GRIN2B: variants seen among roughly 807,000 people sequenced by gnomAD.
GRIN2B encodes the protein glutamate ionotropic receptor NMDA type subunit 2B.
A neutral mutation model predicts 114.5 loss-of-function variants in GRIN2B; 5 were observed. That is an observed-to-expected ratio of 0.04 (90% confidence interval 0.02 to 0.09). The LOEUF (loss-of-function observed/expected upper bound fraction) is 0.09. Ranked by LOEUF, GRIN2B falls within the 10% of genes least tolerant of loss-of-function variation. The pLI is 1.00. For missense variants in GRIN2B, 1,108 were observed against 1,943.5 expected, an observed-to-expected ratio of 0.57 and a Z score of 8.08; for synonymous variants, 787 against 745.1, an observed-to-expected ratio of 1.06 and a Z score of -0.92.
intron 2 of GRIN2B, among the ~76,000 whole-genome samples, chr12:13,884,575 T>C (rs1267724129): frequency 6.6e-6 from 1 of 152,094 alleles, no homozygotes; most frequent in Non-Finnish European, 1.5e-5. Context: ...GATAATTTTT[T>C]TTCTCCTTCC....
At chr12:13,980,858 G>C (rs1863120622) in intron 1 of GRIN2B, among the ~76,000 whole-genome samples, 2 of 152,126 alleles carry the variant, frequency 1.3e-5, no homozygotes. Flanking sequence ...TTGTGCACGG[G>C]GTGCACACTG....
In GRIN2B at chr12:13,562,896, T is replaced by C. The variant is rs1948566354; in HGVS notation, c.4342A>G (p.Ile1448Val). 1 of 1,614,090 alleles carries C rather than the reference T, an allele frequency of 6.2e-7. No individual in the cohort carries two copies. The highest frequency in any genetic ancestry group is 8.5e-7 in the Non-Finnish European group (1 of 1,180,024). ...VPARFQKDIC[I>V]GNQSNPCVPN... ...ACACAGGGGTTGGACTGGTTCCCTA[T>C]ACAGATGTCCTTCTGGAAACGGGCT... Residue 1448 changes from isoleucine to valine, a missense_variant, in exon 14 of 14, where the codon ATA becomes GTA. By Grantham distance (29) the Ile-to-Val change is conservative (BLOSUM62 3). Around this residue, in one of 19 missense-constraint regions of GRIN2B, gnomAD observed 478 missense variants for 506.0 expected, o/e 0.94. Coordinates refer to ENST00000609686, the MANE Select transcript of GRIN2B (RefSeq NM_000834.5).
At chr12:13,821,032 C>T (rs536978747) in intron 3 of GRIN2B, among the ~76,000 whole-genome samples, 1 of 152,158 alleles carries the variant, frequency 6.6e-6, no homozygotes, top group Admixed American at 6.6e-5. Context: ...TGCTACCGTA[C>T]AAAGTTTGCC....
At chr12:13,876,204 T>C (rs1258531834) in intron 2 of GRIN2B, among the ~76,000 whole-genome samples, 1 of 152,192 alleles carries the variant, frequency 6.6e-6, no homozygotes, top group Non-Finnish European at 1.5e-5. Context: ...ACACTTATCT[T>C]GGGCGGGGGA....
intron 5 of GRIN2B, among the ~76,000 whole-genome samples, chr12:13,650,329 C>T (rs1438710282): frequency 1.8e-5 from 2 of 113,728 alleles, no homozygotes; most frequent in East Asian, 2.7e-4. Flanking sequence ...TCCCCTTCCT[C>T]CCCTCTGTCA....
intron 10 of GRIN2B, among the ~76,000 whole-genome samples, chr12:13,588,726 T>C (rs1182827295): frequency 6.6e-6 from 1 of 152,168 alleles, no homozygotes; most frequent in Non-Finnish European, 1.5e-5. Context: ...ATAAAGAGCC[T>C]GTCACTGGAC....
At chr12:13,767,301 C>T (rs1488354523) in intron 3 of GRIN2B, among the ~76,000 whole-genome samples, 1 of 150,846 alleles carries the variant, frequency 6.6e-6, no homozygotes, top group Non-Finnish European at 1.5e-5. Flanking sequence ...CCAAATTTTC[C>T]TTCTCCAGTT....
intron 2 of GRIN2B, among the ~76,000 whole-genome samples, chr12:13,964,208 C>T (rs1452844669): frequency 1.3e-5 from 2 of 152,190 alleles, no homozygotes; most frequent in Admixed American, 6.5e-5. Context: ...TGGGCGGTCA[C>T]GTTGGCTCAC....
chr12:13,593,637 C>T (rs1452328876), intron 10 of GRIN2B, among the ~76,000 whole-genome samples: 1 of 152,080 alleles, frequency 6.6e-6, no homozygotes, highest in Non-Finnish European at 1.5e-5. Flanking sequence ...TAGGCATGGG[C>T]AAAGACTTCA....
chr12:13,686,318 C>T (rs572668765), intron 4 of GRIN2B, among the ~76,000 whole-genome samples: 13 of 152,188 alleles, frequency 8.5e-5, no homozygotes, highest in Admixed American at 3.9e-4. Flanking sequence ...TCAAACCAAA[C>T]CCCATTTCCT....
intron 4 of GRIN2B, among the ~76,000 whole-genome samples, chr12:13,702,004 T>C (rs1430529077): frequency 6.6e-6 from 1 of 152,250 alleles, no homozygotes; most frequent in African/African-American, 2.4e-5. Flanking sequence ...AAGAAGTCTT[T>C]TCTTTCTACA....
intron 10 of GRIN2B, among the ~76,000 whole-genome samples, chr12:13,584,175 C>T (rs1458095897): frequency 6.6e-6 from 1 of 152,146 alleles, no homozygotes; most frequent in Non-Finnish European, 1.5e-5. Context: ...CTGGCTTCCT[C>T]GCAGTTTCTA....
chr12:13,938,287 G>C lies in GRIN2B; in HGVS notation c.-19+41641C>G, dbSNP rs558854096. On this transcript the variant is annotated intron_variant, in intron 2 of 13. Transcript: ENST00000609686. ...CTTAAAGGGCAGAGATTGTCATGCT[G>C]AAAAAAAAGCAAGACCCAACTATAT... 2.0e-5 allele frequency among the ~76,000 whole-genome samples: 3 copies of C among 151,354 alleles called. No homozygotes were observed. The South Asian group carries it at 6.3e-4, about 32-fold the overall frequency.
intron 3 of GRIN2B, among the ~76,000 whole-genome samples, chr12:13,779,019 C>T (rs1864056894): frequency 6.6e-6 from 1 of 152,112 alleles, no homozygotes; most frequent in Admixed American, 6.5e-5. Flanking sequence ...CGACCCAACC[C>T]CTGCTCTGTA....
intron 2 of GRIN2B, among the ~76,000 whole-genome samples, chr12:13,965,281 A>ATTT (rs1867770910): frequency 6.6e-6 from 1 of 152,158 alleles, no homozygotes; most frequent in East Asian, 1.9e-4. Flanking sequence ...TTTGCAACCT[A>ATTT]GTATTTATGC....
At chr12:13,694,547 G>A (rs1219812341) in intron 4 of GRIN2B, among the ~76,000 whole-genome samples, 2 of 151,028 alleles carry the variant, frequency 1.3e-5, no homozygotes, top group Non-Finnish European at 3.0e-5. Flanking sequence ...GTTGAAGTCA[G>A]ACAGCTAGTA....
chr12:13,634,669 G>A (rs7299611), intron 5 of GRIN2B, among the ~76,000 whole-genome samples: 1 of 151,746 alleles, frequency 6.6e-6, no homozygotes, highest in Non-Finnish European at 1.5e-5. Flanking sequence ...GAGTCCATCT[G>A]TATACCCAGA....
intron 4 of GRIN2B, among the ~76,000 whole-genome samples, chr12:13,747,365 A>G (rs1863404042): frequency 6.6e-6 from 1 of 152,242 alleles, no homozygotes; most frequent in Non-Finnish European, 1.5e-5. Flanking sequence ...AAGAGTTTGA[A>G]TCGTCCTCCC....
At chr12:13,826,356 A>T (rs1865035239) in intron 3 of GRIN2B, among the ~76,000 whole-genome samples, 1 of 152,148 alleles carries the variant, frequency 6.6e-6, no homozygotes, top group African/African-American at 2.4e-5. Context: ...CTGTAATCTC[A>T]GCTACTCTGG....
Sources: gnomAD v4.1 joint callset for allele counts (sites outside exome capture counted in the v4.1 genomes callset) on GRCh38, gnomAD v4.1.1 for gene constraint, gnomAD v4.1.1 regional missense constraint, MANE v1.5 for transcripts, NCBI Gene and HGNC (gene_info 2026-07-23, HGNC 2026-07-21) for gene names.